Variants in TLL1 observed in about 807,000 individuals in gnomAD.
TLL1 encodes the protein tolloid like 1, also known as tolloid-like protein 1.
In TLL1, 49 loss-of-function variants were observed where a neutral mutation model predicts 128.2. The observed-to-expected ratio is 0.38, with a 90% CI of 0.30 to 0.48. TLL1 has a LOEUF of 0.48. TLL1 is among the 20% of genes least tolerant of loss of function. The pLI is 0.96. For synonymous variants in TLL1, 454 were observed against 418.8 expected, an observed-to-expected ratio of 1.08 and a Z score of -1.03; for missense variants, 1,123 against 1,242.0, an observed-to-expected ratio of 0.90 and a Z score of 1.44.
At chr4:166,089,135 G>A (rs1741649259) in intron 18 of TLL1, among the ~76,000 whole-genome samples, 1 of 152,082 alleles carries the variant, frequency 6.6e-6, no homozygotes, top group African/African-American at 2.4e-5. Context: ...TGCTCAACAT[G>A]CAGTGGTTTT....
At chr4:165,943,957 G>A (rs873242) in intron 1 of TLL1, among the ~76,000 whole-genome samples, 5,444 of 152,068 alleles carry the variant, frequency 0.036, 294 homozygotes, top group African/African-American at 0.12. Context: ...AGTAGTTTCA[G>A]ATAAAGTCTT....
chr4:165,973,534 G>C (rs1475123023), intron 1 of TLL1, among the ~76,000 whole-genome samples: 1 of 151,708 alleles, frequency 6.6e-6, no homozygotes, highest in Non-Finnish European at 1.5e-5. Context: ...GGGTTATGTT[G>C]TGATTTAACC....
intron 19 of TLL1, among the ~76,000 whole-genome samples, chr4:166,097,521 G>A (rs1029925769): frequency 6.6e-6 from 1 of 152,036 alleles, no homozygotes; most frequent in Admixed American, 6.6e-5. Flanking sequence ...TCATATGTTA[G>A]TCACACAAAG....
Position 165,926,943 on chromosome 4 carries a change from A to T in TLL1, c.169+52870A>T, listed in dbSNP as rs1045457236. The stretch of plus-strand genomic sequence containing the variant: ...TTAATGTTACTCCTTTTTTCAAAAA[A>T]CAGTCTCAGTTTCTTTTTCAAAAAT... On this transcript the variant is annotated intron_variant, in intron 1 of 20. Transcript: ENST00000061240. 1.1e-4 allele frequency among the ~76,000 whole-genome samples: 16 copies of T among 152,274 alleles called. 1 individual carries two copies. Among genetic ancestry groups the T allele is most frequent in the Admixed American group, 4.6e-4 (7 of 15,298 alleles).
intron 1 of TLL1, among the ~76,000 whole-genome samples, chr4:165,985,748 TA>T (rs1736365856): frequency 6.6e-6 from 1 of 152,134 alleles, no homozygotes; most frequent in African/African-American, 2.4e-5. Context: ...TTATTCTGCA[TA>T]CTATAATAAA....
At chr4:166,022,222 T>C (rs1738274690) in intron 8 of TLL1, among the ~76,000 whole-genome samples, 1 of 151,776 alleles carries the variant, frequency 6.6e-6, no homozygotes, top group Admixed American at 6.6e-5. Context: ...TGGAGTGCAG[T>C]GATGCAATAT....
chr4:166,081,075 G>A (rs762462438), intron 18 of TLL1, among the ~76,000 whole-genome samples: 1 of 152,116 alleles, frequency 6.6e-6, no homozygotes, highest in Non-Finnish European at 1.5e-5. Context: ...CTTCATGGCA[G>A]TGAAACTCTG....
chr4:166,097,635 AT>A (rs1184599509), intron 19 of TLL1, among the ~76,000 whole-genome samples: 1 of 152,126 alleles, frequency 6.6e-6, no homozygotes, highest in African/African-American at 2.4e-5. Context: ...ATTCAGAAAT[AT>A]TTTGTTATTT....
At chr4:165,880,648 AG>A in intron 1 of TLL1, among the ~76,000 whole-genome samples, 1 of 152,346 alleles carries the variant, frequency 6.6e-6, no homozygotes, top group Admixed American at 6.5e-5. Context: ...TTTACAAGTC[AG>A]GGGAGTTGTT....
chr4:166,009,668 C>T (rs1161266262), intron 7 of TLL1, among the ~76,000 whole-genome samples: 1 of 151,274 alleles, frequency 6.6e-6, no homozygotes, highest in African/African-American at 2.4e-5. Flanking sequence ...AGAAGGATAG[C>T]CTGATTGTTT....
chr4:165,949,782 G>A (rs1007218846), intron 1 of TLL1, among the ~76,000 whole-genome samples: 10 of 152,192 alleles, frequency 6.6e-5, no homozygotes, highest in South Asian at 4.1e-4. Context: ...ATCTCCCACC[G>A]GGTCCCTCCC....
At position 166,099,252 on chromosome 4, in the gene TLL1, CATCTT is replaced by C; in HGVS notation, c.2657-22_2657-18del. On this transcript the variant is annotated intron_variant, in intron 19 of 20. Transcript: ENST00000061240. ...CCCGTTAAAGCTCATTGACCTTACT[CATCTT>C]ATTTTTCTTTCCTGGGCAGAGTGTG... 14 of 1,613,282 alleles carry C rather than the reference CATCTT, an allele frequency of 8.7e-6. No homozygotes were observed. The highest frequency in any genetic ancestry group is 1.2e-5 in the Non-Finnish European group (14 of 1,179,498).
intron 1 of TLL1, among the ~76,000 whole-genome samples, chr4:165,948,756 G>A (rs1047771753): frequency 6.6e-6 from 1 of 152,102 alleles, no homozygotes; most frequent in Non-Finnish European, 1.5e-5. Context: ...TGCCACATTG[G>A]TGATTAAATT....
intron 20 of TLL1, among the ~76,000 whole-genome samples, chr4:166,099,794 T>C (rs200652350): frequency 6.6e-6 from 1 of 152,174 alleles, no homozygotes; most frequent in Non-Finnish European, 1.5e-5. Flanking sequence ...TGTTCTAACT[T>C]CTTATTATGC....
chr4:165,903,267 G>A (rs1299493539), intron 1 of TLL1, among the ~76,000 whole-genome samples: 1 of 152,042 alleles, frequency 6.6e-6, no homozygotes, highest in African/African-American at 2.4e-5. Flanking sequence ...GAACCCAGGA[G>A]GTGGAGGTTG....
intron 1 of TLL1, among the ~76,000 whole-genome samples, chr4:165,910,417 T>A (rs1206997718): frequency 6.6e-6 from 1 of 152,208 alleles, no homozygotes; most frequent in African/African-American, 2.4e-5. Context: ...TAAGACAGAA[T>A]TCAATTAAGC....
At chr4:166,046,033 A>G (rs1315554655) in intron 12 of TLL1, among the ~76,000 whole-genome samples, 2 of 152,170 alleles carry the variant, frequency 1.3e-5, no homozygotes, top group Non-Finnish European at 2.9e-5. Flanking sequence ...CTCTCTCACT[A>G]GAATATGTCC....
intron 19 of TLL1, among the ~76,000 whole-genome samples, chr4:166,096,210 GGTGTGTGTGTGT>G (rs60978680): frequency 2.7e-5 from 4 of 145,556 alleles, no homozygotes; most frequent in Non-Finnish European, 4.6e-5. Flanking sequence ...TTCTGTCATG[GGTGTGTGTGTGT>G]GTGTGTGTGT....
At chr4:165,907,707 C>T (rs1314672060) in intron 1 of TLL1, among the ~76,000 whole-genome samples, 1 of 152,026 alleles carries the variant, frequency 6.6e-6, no homozygotes, top group South Asian at 2.1e-4. Context: ...CAACACCACG[C>T]CCGTCTAATT....
Sources: allele counts gnomAD v4.1 joint callset (sites outside exome capture counted in the v4.1 genomes callset), GRCh38; gene constraint gnomAD v4.1.1; transcripts MANE v1.5; gene names NCBI Gene and HGNC (gene_info 2026-07-23, HGNC 2026-07-21).